The following QDPR variants were observed in gnomAD, a reference collection of about 807,000 sequenced individuals.
QDPR encodes quinoid dihydropteridine reductase.
A neutral mutation model predicts 31.7 loss-of-function variants in QDPR; 23 were observed. The ratio of observed to expected loss-of-function variants is 0.73; its 90% CI spans 0.52 to 1.03. The LOEUF (loss-of-function observed/expected upper bound fraction) is 1.03. QDPR is among the 50% of genes least tolerant of loss of function. The probability of loss-of-function intolerance (pLI) is 0.00; values close to 1 mark genes in which losing one functional copy is unlikely to be tolerated. For missense variants in QDPR, 324 were observed against 323.8 expected (o/e 1.00, Z 0.00); for synonymous variants, 124 against 124.7 (o/e 0.99, Z 0.03).
intron 2 of QDPR, among the ~76,000 whole-genome samples, chr4:17,506,059 C>T (rs1448332568): frequency 1.3e-5 from 2 of 152,148 alleles, no homozygotes; most frequent in African/African-American, 2.4e-5. Flanking sequence ...TACAGAGACC[C>T]GCACCTGGCA....
At chr4:17,502,394 A>C (rs1367209018) in intron 3 of QDPR, among the ~76,000 whole-genome samples, 1 of 152,230 alleles carries the variant, frequency 6.6e-6, no homozygotes, top group Non-Finnish European at 1.5e-5. Context: ...CAGAGACATA[A>C]GGAAGAACAA....
At chr4:17,492,089 A>G (rs1196837476) in intron 5 of QDPR, 143 bp downstream of exon 5, 1 of 633,632 alleles carries the variant, frequency 1.6e-6, no homozygotes, top group South Asian at 1.9e-5. Context: ...TAAGATAATA[A>G]GTATCTTAAG....
At chr4:17,496,115 A>C (rs7662925) in intron 4 of QDPR, among the ~76,000 whole-genome samples, 16,343 of 152,098 alleles carry the variant, frequency 0.11, 1,783 homozygotes, top group East Asian at 0.44. Context: ...AATGGGGCTT[A>C]ATCAAATGGT....
intron 2 of QDPR, among the ~76,000 whole-genome samples, chr4:17,505,778 A>G (rs1718767177): frequency 1.3e-5 from 2 of 152,188 alleles, no homozygotes; most frequent in African/African-American, 4.8e-5. Flanking sequence ...CCCCAGTTTC[A>G]TGACAAAACT....
rs777589410 is a variant in QDPR, at chr4:17,501,857, G to C, written c.298C>G (p.Leu100Val). 1 of 1,614,096 alleles carries C rather than the reference G, an allele frequency of 6.2e-7. No individual in the cohort carries two copies. Among genetic ancestry groups the C allele is most frequent in the South Asian group, 1.1e-5 (1 of 91,072 alleles). ...CACATCAGGTCACAGTTCTTAAAGA[G>C]AGCTGAGTGAAAAAAACATGTGGGC... is the stretch of plus-strand genomic sequence containing the variant. ...WAGGNAKSKS[L>V]FKNCDLMWKQ... The change falls in exon 4 of 7, where the codon CTC becomes GTC. Residue 100 changes from leucine (L) to valine (V), a missense_variant and splice_region_variant. Coordinates refer to ENST00000281243, the MANE Select transcript of QDPR (RefSeq NM_000320.3).
At chr4:17,509,141 G>C (rs536328924) in intron 2 of QDPR, 130 bp downstream of exon 2, 1 of 761,832 alleles carries the variant, frequency 1.3e-6, no homozygotes, top group South Asian at 1.5e-5. Context: ...CTGGGCGACA[G>C]AGCAAGACTC....
chr4:17,487,088 A>T lies in QDPR; in HGVS notation c.*43T>A. On this transcript the variant is annotated 3_prime_UTR_variant, in exon 7 of 7. Coordinates refer to ENST00000281243, the MANE Select transcript of QDPR (RefSeq NM_000320.3). ...GGACAAGGCCACACTGAGACAGGTTAGTGACTTTTCTGGCAGGCCCCTCAT... is the reference window on the plus strand; with the variant it reads ...GGACAAGGCCACACTGAGACAGGTTTGTGACTTTTCTGGCAGGCCCCTCAT... The T allele has an allele frequency of 6.8e-7, 1 of 1,476,614 alleles. No homozygotes were observed. Among genetic ancestry groups the T allele is most frequent in the Non-Finnish European group, 9.5e-7 (1 of 1,055,596 alleles). 91.5% of individuals were successfully genotyped at this position (1,476,614 alleles called of 1,614,324 possible). A position where few individuals can be genotyped will look rare whatever the true frequency, so the allele number is the denominator to read the frequency against.
In QDPR at chr4:17,501,787, G is replaced by C; in HGVS notation, c.368C>G (p.Thr123Ser). 1 of 1,614,166 alleles carries C rather than the reference G, an allele frequency of 6.2e-7. No homozygotes were observed. Among genetic ancestry groups the C allele is most frequent in the Non-Finnish European group, 8.5e-7 (1 of 1,180,012 alleles). ...WTSTISSHLA[T>S]KHLKEGGLLT... is the part of the protein sequence containing the mutation. Reference sequence around the variant, plus strand: ...GAGGCCTCCTTCCTTGAGATGCTTGGTAGCCAGATGGCTGGAGATGGTCGA... The same window carrying C: ...GAGGCCTCCTTCCTTGAGATGCTTGCTAGCCAGATGGCTGGAGATGGTCGA... Residue 123 changes from threonine (T) to serine (S), a missense_variant, in exon 4 of 7, where the codon ACC becomes AGC. Coordinates refer to ENST00000281243, the MANE Select transcript of QDPR (RefSeq NM_000320.3).
intron 4 of QDPR, among the ~76,000 whole-genome samples, chr4:17,496,442 C>CAAAAAAAAAAATAAAAAAAAAAA (rs1718357296): frequency 1.5e-5 from 1 of 64,608 alleles, no homozygotes; most frequent in South Asian, 9.3e-4. Flanking sequence ...AAAACTGTCT[C>CAAAAAAAAAAATAAAAAAAAAAA]AAAAAAAAAA....
At chr4:17,500,410 A>G (rs1265625477) in intron 4 of QDPR, among the ~76,000 whole-genome samples, 1 of 152,174 alleles carries the variant, frequency 6.6e-6, no homozygotes, top group African/African-American at 2.4e-5. Context: ...CAACATTCGT[A>G]TATTGAAGTC....
At chr4:17,504,284 AAAAACAGCTGGCCT>A (rs1718674546) in intron 3 of QDPR, 81 bp downstream of exon 3, 4 of 1,059,404 alleles carry the variant, frequency 3.8e-6, no homozygotes, top group Non-Finnish European at 2.9e-6. Flanking sequence ...ATATACACAA[AAAAACAGCTGGCCT>A]GTCACCTAGT....
intron 4 of QDPR, among the ~76,000 whole-genome samples, chr4:17,498,410 A>G (rs575802036): frequency 1.3e-5 from 2 of 152,330 alleles, no homozygotes; most frequent in South Asian, 2.1e-4. Context: ...AAACCAGGGC[A>G]TAAGTGCTCA....
chr4:17,503,958 G>C, intron 3 of QDPR, among the ~76,000 whole-genome samples: 1 of 151,826 alleles, frequency 6.6e-6, no homozygotes, highest in East Asian at 1.9e-4. Context: ...TTAAGAAAAA[G>C]GGTAGGGGAG....
At chr4:17,504,546 C>G in intron 2 of QDPR, 71 bp from the exon 3 acceptor site, 1 of 1,229,360 alleles carries the variant, frequency 8.1e-7, no homozygotes, top group Non-Finnish European at 1.2e-6. Context: ...TTTACGGATA[C>G]TCAGTTTCTT....
rs1719028294 is a variant in QDPR at position 17,511,958 on chromosome 4, G to A, written c.97C>T (p.Arg33Cys). The change falls in exon 1 of 7, where the codon CGC becomes TGC. Residue 33 changes from arginine to cysteine, a missense_variant. Physicochemically the swap from Arg to Cys is radical, Grantham distance 180. Transcript: ENST00000281243. Reference sequence around the variant, plus strand: ...CCAGCCCGCAGCATTACCCAGTTGCGGGCCCGAAAAGCCTGCACGCATCGA... The same window carrying A: ...CCAGCCCGCAGCATTACCCAGTTGCAGGCCCGAAAAGCCTGCACGCATCGA... ...GSRCVQAFRA[R>C]NWWVASVDVV... The A allele has an allele frequency of 1.2e-6, 2 of 1,610,602 alleles. No individual in the cohort carries two copies. The highest frequency in any genetic ancestry group is 1.7e-6 in the Non-Finnish European group (2 of 1,179,002).
At chr4:17,487,346 CG>C in intron 6 of QDPR, 110 bp from the exon 7 acceptor site, 1 of 830,280 alleles carries the variant, frequency 1.2e-6, no homozygotes. Context: ...GGCACAGCAG[CG>C]ACTGTTTAAA....
chr4:17,493,809 A>C (rs11946133), intron 4 of QDPR, among the ~76,000 whole-genome samples: 7,528 of 152,210 alleles, frequency 0.049, 621 homozygotes, highest in African/African-American at 0.17. Flanking sequence ...GGTGGAGCTG[A>C]AAGTTCTAAC....
chr4:17,491,853 G>A (rs1176214477), intron 5 of QDPR, among the ~76,000 whole-genome samples: 4 of 152,100 alleles, frequency 2.6e-5, no homozygotes, highest in Non-Finnish European at 5.9e-5. Context: ...GCCTTTAGGA[G>A]GGGATTAGCA....
chr4:17,504,799 CT>C (rs1326843814), intron 2 of QDPR, among the ~76,000 whole-genome samples: 1 of 151,748 alleles, frequency 6.6e-6, no homozygotes, highest in Non-Finnish European at 1.5e-5. Flanking sequence ...AAAAAAGCAC[CT>C]AGAGCTTCAC....
Sources: gnomAD v4.1 joint callset for allele counts (sites outside exome capture counted in the v4.1 genomes callset) on GRCh38, gnomAD v4.1.1 for gene constraint, MANE v1.5 for transcripts, NCBI Gene and HGNC (gene_info 2026-07-23, HGNC 2026-07-21) for gene names.